Variants in PDS5A observed in about 807,000 individuals in gnomAD.
PDS5A encodes PDS5 cohesin associated factor A.
PDS5A carries 42 observed loss-of-function variants against 167.1 expected under a neutral mutation model. That is an observed-to-expected ratio of 0.25 (90% confidence interval 0.20 to 0.33). The LOEUF (loss-of-function observed/expected upper bound fraction) is 0.33. Among genes scored for constraint, PDS5A ranks in the 10% least tolerant of loss-of-function variants. The pLI is 1.00. For synonymous variants in PDS5A, 553 were observed against 554.6 expected, an observed-to-expected ratio of 1.00 and a Z score of 0.04; for missense variants, 1,033 against 1,605.9, an observed-to-expected ratio of 0.64 and a Z score of 6.10.
intron 2 of PDS5A, among the ~76,000 whole-genome samples, chr4:39,960,712 C>T (rs1344034731): frequency 3.4e-5 from 5 of 145,760 alleles, no homozygotes; most frequent in East Asian, 2.0e-4. Context: ...TTTTTTTTAA[C>T]GGAGTCTCAC....
chr4:39,926,658 C>A, intron 4 of PDS5A, 117 bp downstream of exon 4: 2 of 673,768 alleles, frequency 3.0e-6, no homozygotes, highest in South Asian at 3.3e-5. Context: ...ATGTAAAAGA[C>A]ATTTTATTAT....
intron 26 of PDS5A, among the ~76,000 whole-genome samples, chr4:39,857,512 G>C (rs533734154): frequency 6.0e-4 from 91 of 152,154 alleles, no homozygotes; most frequent in African/African-American, 2.2e-3. Context: ...CAGCTATTTT[G>C]CAAAACTAAC....
intron 2 of PDS5A, among the ~76,000 whole-genome samples, chr4:39,963,459 CA>C (rs946708973): frequency 9.7e-5 from 14 of 144,414 alleles, no homozygotes; most frequent in Non-Finnish European, 9.1e-5. Context: ...GACTCCATCT[CA>C]AAAAAAAAAA....
At chr4:39,972,530 T>A (rs1284291884) in intron 2 of PDS5A, among the ~76,000 whole-genome samples, 2 of 151,762 alleles carry the variant, frequency 1.3e-5, no homozygotes, top group Admixed American at 6.6e-5. Flanking sequence ...AAAAAATAAA[T>A]AAATAAATAA....
At chr4:39,938,536 A>G (rs967610398) in intron 2 of PDS5A, among the ~76,000 whole-genome samples, 4 of 152,028 alleles carry the variant, frequency 2.6e-5, no homozygotes, top group East Asian at 1.9e-4. Context: ...CCGGGGTGAC[A>G]GAGCAAGACT....
chr4:39,949,792 C>A (rs1434932276), intron 2 of PDS5A, among the ~76,000 whole-genome samples: 1 of 98,186 alleles, frequency 1.0e-5, no homozygotes, highest in African/African-American at 3.7e-5. Flanking sequence ...TGCACTCCAG[C>A]CAGGGCGACA....
chr4:39,959,651 A>C (rs938755133), intron 2 of PDS5A, among the ~76,000 whole-genome samples: 4 of 152,244 alleles, frequency 2.6e-5, no homozygotes, highest in Admixed American at 2.6e-4. Context: ...CATTAATTTT[A>C]TAACAGAAAA....
rs1231517047 is a variant in PDS5A, at chr4:39,977,043, G to T, written c.-41+414C>A. 6.6e-6 allele frequency among the ~76,000 whole-genome samples: 1 copy of T among 152,146 alleles called. No individual in the cohort carries two copies. The highest frequency in any genetic ancestry group is 2.4e-5 in the African/African-American group (1 of 41,430). On this transcript the variant is annotated intron_variant, in intron 1 of 32. Transcript: ENST00000303538. The surrounding 1 kb of genome is among the most constrained non-coding windows in gnomAD (Gnocchi z 4.2). ...AGGCCTATAGGGCTCGGCTTAGGCC[G>T]CAAAACTAGGGACCCAGCGGACCCA...
intron 17 of PDS5A, among the ~76,000 whole-genome samples, chr4:39,888,137 T>C (rs1721641600): frequency 6.7e-6 from 1 of 148,656 alleles, no homozygotes; most frequent in Non-Finnish European, 1.5e-5. Context: ...TAGTCCTAGC[T>C]ACTCGGGAGG....
At chr4:39,832,624 T>TG (rs1313700761) in intron 32 of PDS5A, among the ~76,000 whole-genome samples, 4 of 151,972 alleles carry the variant, frequency 2.6e-5, no homozygotes, top group African/African-American at 9.7e-5. Flanking sequence ...GAAGATTGCT[T>TG]GGGGGCAGGA....
chr4:39,957,802 A>G (rs1389389356), intron 2 of PDS5A, among the ~76,000 whole-genome samples: 3 of 151,834 alleles, frequency 2.0e-5, no homozygotes, highest in African/African-American at 4.8e-5. Context: ...AAAAAAAAAA[A>G]AAAAGAAATG....
intron 2 of PDS5A, among the ~76,000 whole-genome samples, chr4:39,940,202 G>C (rs1274135210): frequency 6.6e-6 from 1 of 152,018 alleles, no homozygotes; most frequent in African/African-American, 2.4e-5. Context: ...CTGGATGACA[G>C]AGCGAGACCC....
At chr4:39,882,786 G>T (rs949278292) in intron 17 of PDS5A, among the ~76,000 whole-genome samples, 1 of 152,042 alleles carries the variant, frequency 6.6e-6, no homozygotes, top group Non-Finnish European at 1.5e-5. Flanking sequence ...CTCTTATAAA[G>T]TATTTTTCCT....
intron 30 of PDS5A, 127 bp downstream of exon 30, chr4:39,844,529 C>A: frequency 6.5e-6 from 4 of 612,432 alleles, no homozygotes; most frequent in Non-Finnish European, 1.1e-5. Flanking sequence ...TACTAAAATT[C>A]ATCAATATTA....
At chr4:39,900,720 T>C (rs1395597904) in intron 13 of PDS5A, among the ~76,000 whole-genome samples, 1 of 152,190 alleles carries the variant, frequency 6.6e-6, no homozygotes, top group Non-Finnish European at 1.5e-5. Context: ...TTGAGAGGTT[T>C]AGAAAGATTA....
At chr4:39,874,217 T>G (rs1447300621) in intron 20 of PDS5A, 72 bp downstream of exon 20, 17 of 1,313,784 alleles carry the variant, frequency 1.3e-5, no homozygotes, top group Non-Finnish European at 1.7e-5. Context: ...AAAATCTAGC[T>G]TCCATCTTCA....
At chr4:39,889,107 C>T (rs1313697814) in intron 17 of PDS5A, among the ~76,000 whole-genome samples, 1 of 152,056 alleles carries the variant, frequency 6.6e-6, no homozygotes, top group Non-Finnish European at 1.5e-5. Context: ...GAGATAGGGC[C>T]TTTAAAGAGA....
At chr4:39,940,382 CTGA>C (rs974901427) in intron 2 of PDS5A, among the ~76,000 whole-genome samples, 1 of 152,060 alleles carries the variant, frequency 6.6e-6, no homozygotes, top group African/African-American at 2.4e-5. Flanking sequence ...TCTGGGGGTG[CTGA>C]TGATATTCTA....
At chr4:39,921,188 A>T (rs1724924226) in intron 6 of PDS5A, among the ~76,000 whole-genome samples, 1 of 152,174 alleles carries the variant, frequency 6.6e-6, no homozygotes, top group African/African-American at 2.4e-5. Flanking sequence ...GGGTCATACA[A>T]ATCACTGCAA....
Sources: allele counts gnomAD v4.1 joint callset (sites outside exome capture counted in the v4.1 genomes callset), GRCh38; gene constraint gnomAD v4.1.1; non-coding constraint Gnocchi (gnomAD v3.1); transcripts MANE v1.5; gene names NCBI Gene and HGNC (gene_info 2026-07-23, HGNC 2026-07-21).